Variants in MYO9A observed in about 807,000 individuals in gnomAD.
MYO9A encodes the protein unconventional myosin-IXa.
Under a neutral mutation model 293.3 loss-of-function variants are expected in MYO9A, and 103 were observed. The observed-to-expected ratio is 0.35, with a 90% CI of 0.30 to 0.41. The LOEUF is 0.41. MYO9A is among the 10% of genes least tolerant of loss of function. The pLI is 1.00. For missense variants in MYO9A, 2,685 were observed against 3,033.0 expected (o/e 0.89, Z 2.69); for synonymous variants, 1,001 against 1,035.7 (o/e 0.97, Z 0.64).
At chr15:71,880,253 T>C in intron 29 of MYO9A, 82 bp downstream of exon 29, 1 of 1,181,820 alleles carries the variant, frequency 8.5e-7, no homozygotes, top group Non-Finnish European at 1.2e-6. Flanking sequence ...GTAATTTTGA[T>C]ATCTAGAGAG....
intron 10 of MYO9A, among the ~76,000 whole-genome samples, chr15:71,994,194 C>T (rs1466477170): frequency 3.3e-5 from 5 of 151,534 alleles, no homozygotes; most frequent in Admixed American, 2.0e-4. Flanking sequence ...AAAAAAAATA[C>T]ATATATTTAT....
intron 32 of MYO9A, among the ~76,000 whole-genome samples, chr15:71,874,717 TATTCAAA>T (rs2056628383): frequency 6.6e-6 from 1 of 152,150 alleles, no homozygotes; most frequent in African/African-American, 2.4e-5. Flanking sequence ...AATGGTAAGG[TATTCAAA>T]ATATTTTGAA....
chr15:71,928,641 T>C (rs1205649897), intron 18 of MYO9A, among the ~76,000 whole-genome samples: 1 of 152,156 alleles, frequency 6.6e-6, no homozygotes, highest in Non-Finnish European at 1.5e-5. Context: ...TTTTTTTGTA[T>C]ACAGATTTTT....
At chr15:71,998,143 ATAAG>A (rs1395238292) in intron 9 of MYO9A, among the ~76,000 whole-genome samples, 41 of 152,222 alleles carry the variant, frequency 2.7e-4, no homozygotes, top group African/African-American at 9.2e-4. Context: ...TGCAGCATAA[ATAAG>A]AAGAAAACCA....
In MYO9A at chr15:71,960,077, G is replaced by A; in HGVS notation, c.2006C>T (p.Thr669Ile). The A allele has an allele frequency of 6.2e-7, 1 of 1,613,656 alleles. No homozygotes were observed. Among genetic ancestry groups the A allele is most frequent in the Non-Finnish European group, 8.5e-7 (1 of 1,179,854 alleles). The part of the protein sequence containing the change: ...YGVKDFREKN[T>I]DHMRPDIVAL... The stretch of plus-strand genomic sequence containing the variant: ...TACAATGTCTGGGCGCATATGATCT[G>A]TATTTTTTTCCCGGAAATCCTATAT... The change falls in exon 14 of 42, where the codon ACA becomes ATA. Residue 669 changes from threonine to isoleucine, a missense_variant. This residue lies in a region of MYO9A where 201 missense variants were observed against 245.2 expected (regional missense o/e 0.82). Coordinates refer to ENST00000356056, the MANE Select transcript of MYO9A (RefSeq NM_006901.4).
intron 32 of MYO9A, among the ~76,000 whole-genome samples, chr15:71,863,105 T>TA (rs897993778): frequency 4.0e-5 from 6 of 150,254 alleles, no homozygotes; most frequent in Non-Finnish European, 8.9e-5. Flanking sequence ...TTTGTATATA[T>TA]TTTTTTTTAC....
chr15:71,991,854 T>G (rs1417614091), intron 10 of MYO9A, among the ~76,000 whole-genome samples: 1 of 152,164 alleles, frequency 6.6e-6, no homozygotes. Context: ...CCGGGGTTCA[T>G]GCGATTCTCT....
chr15:72,062,052 G>A (rs894571765), intron 1 of MYO9A, among the ~76,000 whole-genome samples: 1 of 152,132 alleles, frequency 6.6e-6, no homozygotes, highest in African/African-American at 2.4e-5. Context: ...ATTCTGCCTG[G>A]TAATACAGAG....
At chr15:72,026,134 G>GTGA (rs1194331514) in intron 4 of MYO9A, among the ~76,000 whole-genome samples, 1 of 151,662 alleles carries the variant, frequency 6.6e-6, no homozygotes, top group Non-Finnish European at 1.5e-5. Context: ...TTAGCCAGGC[G>GTGA]TGATGGCAGG....
intron 4 of MYO9A, among the ~76,000 whole-genome samples, chr15:72,023,467 T>A (rs1227453996): frequency 6.6e-6 from 1 of 151,588 alleles, no homozygotes; most frequent in Non-Finnish European, 1.5e-5. Context: ...CAGAGGTGGG[T>A]GGATCACCTG....
At chr15:71,834,802 T>C (rs2054874369) in intron 39 of MYO9A, among the ~76,000 whole-genome samples, 3 of 151,970 alleles carry the variant, frequency 2.0e-5, no homozygotes. Flanking sequence ...AAAAGGATTA[T>C]TATGGGTTAA....
intron 39 of MYO9A, among the ~76,000 whole-genome samples, chr15:71,844,465 TA>T (rs1175907329): frequency 6.6e-6 from 1 of 152,176 alleles, no homozygotes. Flanking sequence ...TCTCAGACTG[TA>T]ACAAAAATAT....
At chr15:72,100,844 C>A (rs890596194) in intron 1 of MYO9A, among the ~76,000 whole-genome samples, 1 of 151,268 alleles carries the variant, frequency 6.6e-6, no homozygotes, top group Non-Finnish European at 1.5e-5. Context: ...CTCCGCCCGG[C>A]CAGCCGCCCC....
At chr15:72,109,806 G>T (rs926830719) in intron 1 of MYO9A, among the ~76,000 whole-genome samples, 1 of 151,386 alleles carries the variant, frequency 6.6e-6, no homozygotes, top group African/African-American at 2.4e-5. Flanking sequence ...CAAGAATCAA[G>T]AATCACTTGA....
At chr15:71,997,848 A>T (rs1009104097) in intron 9 of MYO9A, among the ~76,000 whole-genome samples, 3 of 152,144 alleles carry the variant, frequency 2.0e-5, no homozygotes, top group Admixed American at 1.3e-4. Context: ...TGTGGATAAA[A>T]AGAAACATTT....
intron 1 of MYO9A, among the ~76,000 whole-genome samples, chr15:72,069,541 A>G (rs1270196322): frequency 6.6e-6 from 1 of 152,234 alleles, no homozygotes; most frequent in African/African-American, 2.4e-5. Flanking sequence ...AACAGAATCA[A>G]TACAAGATCT....
At chr15:71,944,737 T>G (rs547514064) in intron 15 of MYO9A, among the ~76,000 whole-genome samples, 1 of 152,302 alleles carries the variant, frequency 6.6e-6, no homozygotes, top group African/African-American at 2.4e-5. Flanking sequence ...AACAATGTCA[T>G]GAATATTTTA....
rs2056817735 is a variant in MYO9A at position 71,879,799 on chromosome 15, T to C, written c.5661A>G (p.Thr1887=). 6.2e-7 allele frequency: 1 copy of C among 1,613,624 alleles called. No homozygotes were observed. Among genetic ancestry groups the C allele is most frequent in the African/African-American group, 1.3e-5 (1 of 75,038 alleles). The change falls in exon 30 of 42, where the codon ACA becomes ACG. Residue 1887 remains threonine, a synonymous_variant. Coordinates refer to ENST00000356056, the MANE Select transcript of MYO9A (RefSeq NM_006901.4). ...CTTTTTTAAATACAACATCCACTAG[T>C]GTATCCTTCTTGCTGTCTTCATTAT... ...DLDNEDSKKD[T]LVDVVFKKAL... is the part of the protein sequence containing the mutation.
Position 71,898,409 on chromosome 15 carries a change from G to T in MYO9A, c.4094C>A (p.Pro1365Gln). ...QFPSPKISSS[P>Q]KFDSRDNALS... ...GGCATTGTCCCGTGAATCAAATTTTGGACTGCTGGATATCTTAGGTGATGG... is the reference window on the plus strand; with the variant it reads ...GGCATTGTCCCGTGAATCAAATTTTTGACTGCTGGATATCTTAGGTGATGG... Residue 1365 changes from proline (P) to glutamine (Q), a missense_variant, in exon 25 of 42, where the codon CCA becomes CAA. Physicochemically the swap from Pro to Gln is moderately conservative, Grantham distance 76. Around this residue, in one of 10 missense-constraint regions of MYO9A, gnomAD observed 1,434 missense variants for 1,497.7 expected, o/e 0.96. Coordinates refer to ENST00000356056, the MANE Select transcript of MYO9A (RefSeq NM_006901.4). 6.2e-7 allele frequency: 1 copy of T among 1,613,634 alleles called. No homozygotes were observed.
Sources: allele counts gnomAD v4.1 joint callset (sites outside exome capture counted in the v4.1 genomes callset), GRCh38; gene constraint gnomAD v4.1.1; regional missense constraint gnomAD v4.1.1; transcripts MANE v1.5; gene names NCBI Gene and HGNC (gene_info 2026-07-23, HGNC 2026-07-21).